Variants in RAPGEFL1 observed in about 807,000 individuals in gnomAD.
RAPGEFL1 encodes rap guanine nucleotide exchange factor-like 1.
A neutral mutation model predicts 64.4 loss-of-function variants in RAPGEFL1; 31 were observed. The ratio of observed to expected loss-of-function variants is 0.48; its 90% CI spans 0.36 to 0.65. The LOEUF is 0.65. Ranked by LOEUF, RAPGEFL1 falls within the 30% of genes least tolerant of loss-of-function variation. RAPGEFL1 has a pLI of 0.00. For synonymous variants in RAPGEFL1, 331 were observed against 274.1 expected (o/e 1.21, Z -2.05); for missense variants, 682 against 677.4 (o/e 1.01, Z -0.08).
Position 40,187,786 on chromosome 17 carries a change from A to AT in RAPGEFL1, c.834-1072dup, listed in dbSNP as rs951625274. 4.8e-5 allele frequency among the ~76,000 whole-genome samples: 7 copies of AT among 147,272 alleles called. No homozygotes were observed. The South Asian group carries it at 1.1e-3, about 22-fold the overall frequency. ...CCACCACGCCCGGCTAATTTTTTAT[A>AT]TTTTTTTTAGTAGAGACGGGGTTTC... On this transcript the variant is annotated intron_variant, in intron 4 of 14. Transcript: ENST00000620260.
Position 40,177,865 on chromosome 17 carries a change from A to G in RAPGEFL1, c.4A>G (p.Lys2Glu). 2.3e-6 allele frequency: 1 copy of G among 426,048 alleles called. No homozygotes were observed. The highest frequency in any genetic ancestry group is 4.2e-6 in the Non-Finnish European group (1 of 240,236). The allele number at this position is 426,048 out of a possible 1,614,324, so 26.4% of individuals were successfully genotyped here. A position where few individuals can be genotyped will look rare whatever the true frequency, so the allele number is the denominator to read the frequency against. Residue 2 changes from lysine (K) to glutamate (E), a missense_variant, in exon 1 of 15, where the codon AAG becomes GAG. Physicochemically the swap from Lys to Glu is moderately conservative, Grantham distance 56 (BLOSUM62 1). Around this residue, in one of 2 missense-constraint regions of RAPGEFL1, gnomAD observed 271 missense variants for 158.0 expected, o/e 1.72. Coordinates refer to ENST00000620260, the MANE Select transcript of RAPGEFL1 (RefSeq NM_016339.6). M[K>E]PLEKFLKKQT... ...TAGGAGAGGGGCGGGGGGGGGCATG[A>G]AGCCGCTGGAGAAATTTCTGAAGAA... is the stretch of plus-strand genomic sequence containing the variant.
chr17:40,189,730 C>T (rs978041128), intron 6 of RAPGEFL1, among the ~76,000 whole-genome samples: 2 of 152,190 alleles, frequency 1.3e-5, no homozygotes, highest in African/African-American at 2.4e-5. Context: ...CCCACCCCGA[C>T]CTGCTGGTCT....
At chr17:40,192,564 T>C in intron 11 of RAPGEFL1, 42 bp from the exon 12 acceptor site, 3 of 1,521,548 alleles carry the variant, frequency 2.0e-6, no homozygotes, top group East Asian at 2.3e-5. Flanking sequence ...TTGGGATGCA[T>C]TGGCCAGTCT....
intron 8 of RAPGEFL1, 163 bp downstream of exon 8, chr17:40,190,925 AAG>A (rs1476386801): frequency 5.4e-6 from 6 of 1,121,162 alleles, no homozygotes; most frequent in Middle Eastern, 3.1e-4. Flanking sequence ...AAAAATCGCA[AAG>A]AGAGAGACCC....
At position 40,178,036 on chromosome 17, in the gene RAPGEFL1, G is replaced by C. The variant is rs1232426774; in HGVS notation, c.175G>C (p.Val59Leu). The C allele has an allele frequency of 5.2e-6, 3 of 579,094 alleles. No individual in the cohort carries two copies. The highest frequency in any genetic ancestry group is 9.1e-6 in the Non-Finnish European group (3 of 329,640). The allele number at this position is 579,094 out of a possible 1,614,324, so 35.9% of individuals were successfully genotyped here. A position where few individuals can be genotyped will look rare whatever the true frequency, so the allele number is the denominator to read the frequency against. Residue 59 changes from valine to leucine, a missense_variant, in exon 1 of 15, where the codon GTG becomes CTG. Val to Leu is a conservative substitution (Grantham distance 32). Coordinates refer to ENST00000620260, the MANE Select transcript of RAPGEFL1 (RefSeq NM_016339.6). ...GCGGTCGTTGCAGCGGCGTCAGAGC[G>C]TGTCTCGCCTGCTGCTCCCCGCTTT... ...GQRSLQRRQS[V>L]SRLLLPAFLR... is the part of the protein sequence containing the mutation.
In RAPGEFL1 at chr17:40,191,248, T is replaced by G; in HGVS notation, c.1336-68T>G. 3.0e-6 allele frequency: 4 copies of G among 1,343,352 alleles called. No homozygotes were observed. In the South Asian group the frequency reaches 4.2e-5, roughly 14 times the overall value. The allele number at this position is 1,343,352 out of a possible 1,614,324, so 83.2% of individuals were successfully genotyped here. ...CCTTTCGCTCCTCATCGCCTTGCAC[T>G]GCCATCTTCCCACCCACTCCCCTCA... On this transcript the variant is annotated intron_variant, in intron 8 of 14. Transcript: ENST00000620260. The surrounding 1 kb of genome is among the most constrained non-coding windows in gnomAD (Gnocchi z 5.1).
upstream of RAPGEFL1, chr17:40,177,366 A>G: frequency 1.6e-6 from 1 of 639,308 alleles, no homozygotes; most frequent in Non-Finnish European, 2.9e-6. Context: ...GGTCAACCCC[A>G]GCGCGCGAGT....
In RAPGEFL1 at chr17:40,194,096, C is replaced by A; in HGVS notation, c.*308C>A. On this transcript the variant is annotated 3_prime_UTR_variant, in exon 15 of 15. Transcript: ENST00000620260. ...CTGGGGATGGAGCTTCCAACTTCCT[C>A]TTGCAGCAGGAAAGAATGCTGCTCA... is the stretch of plus-strand genomic sequence containing the variant. The A allele has an allele frequency of 3.5e-6, 1 of 284,792 alleles. No homozygotes were observed. The highest frequency in any genetic ancestry group is 6.8e-6 in the Non-Finnish European group (1 of 148,100). 17.6% of individuals were successfully genotyped at this position (284,792 alleles called of 1,614,324 possible). A position where few individuals can be genotyped will look rare whatever the true frequency, so the allele number is the denominator to read the frequency against.
intron 1 of RAPGEFL1, 126 bp downstream of exon 1, chr17:40,178,507 C>T: frequency 4.8e-6 from 2 of 415,698 alleles, no homozygotes; most frequent in Admixed American, 4.3e-5. Context: ...CCGCGGAAGC[C>T]GGCTAGGGGC....
intron 3 of RAPGEFL1, 68 bp from the exon 4 acceptor site, chr17:40,184,513 G>C (rs890905986): frequency 2.5e-6 from 3 of 1,188,034 alleles, no homozygotes; most frequent in Non-Finnish European, 3.6e-6. Flanking sequence ...GACCTTGCCC[G>C]GCCCCTGCAG....
chr17:40,195,528 G>A lies in RAPGEFL1; in HGVS notation c.*1740G>A, dbSNP rs1419188564. The A allele has an allele frequency of 2.0e-5, 3 of 152,912 alleles. No homozygotes were observed. Among genetic ancestry groups the A allele is most frequent in the Non-Finnish European group, 4.4e-5 (3 of 68,272 alleles). 9.5% of individuals were successfully genotyped at this position (152,912 alleles called of 1,614,324 possible). ...CCCCTAGCCTTGATGCCTGCCCAGGGACCCCCAGCCCCCTCCCGTTGCCCT... is the reference window on the plus strand; with the variant it reads ...CCCCTAGCCTTGATGCCTGCCCAGGAACCCCCAGCCCCCTCCCGTTGCCCT... On this transcript the variant is annotated 3_prime_UTR_variant, in exon 15 of 15. Transcript: ENST00000620260.
rs1989995125 is a variant in RAPGEFL1 at position 40,184,365 on chromosome 17, G to T, written c.735+16G>T. On this transcript the variant is annotated intron_variant, in intron 3 of 14. Coordinates refer to ENST00000620260, the MANE Select transcript of RAPGEFL1 (RefSeq NM_016339.6). ...CATCATCAAGGTGGGCCTGGGGGAA[G>T]AGAAGGTGGGTAAACAGGCTATTAG... 2 of 1,597,454 alleles carry T rather than the reference G, an allele frequency of 1.3e-6. No individual in the cohort carries two copies. The highest frequency in any genetic ancestry group is 1.4e-5 in the African/African-American group (1 of 73,898).
At chr17:40,193,525 C>T in intron 14 of RAPGEFL1, 108 bp downstream of exon 14, 1 of 1,570,598 alleles carries the variant, frequency 6.4e-7, no homozygotes, top group Non-Finnish European at 8.8e-7. Context: ...CTTGCTGGTT[C>T]CCCATTCTCT....
intron 8 of RAPGEFL1, 121 bp downstream of exon 8, chr17:40,190,883 G>T: frequency 4.1e-6 from 6 of 1,449,170 alleles, no homozygotes; most frequent in Non-Finnish European, 4.7e-6. Context: ...CTTGGGCAAC[G>T]CATGGCCGTA....
In RAPGEFL1 at chr17:40,178,188, G is replaced by A; in HGVS notation, c.327G>A (p.Pro109=). ...GPCWLQLEEV[P]GPGPLGGGGP... is the part of the protein sequence containing the mutation. ...GCTGGCTGCAGCTGGAGGAGGTGCC[G>A]GGGCCCGGGCCTCTCGGGGGAGGGG... Residue 109 remains proline (P), a synonymous_variant, in exon 1 of 15, where the codon CCG becomes CCA. Coordinates refer to ENST00000620260, the MANE Select transcript of RAPGEFL1 (RefSeq NM_016339.6). 1 of 546,942 alleles carries A rather than the reference G, an allele frequency of 1.8e-6. No homozygotes were observed. 33.9% of individuals were successfully genotyped at this position (546,942 alleles called of 1,614,324 possible). A position where few individuals can be genotyped will look rare whatever the true frequency, so the allele number is the denominator to read the frequency against.
chr17:40,189,384 C>G lies in RAPGEFL1; in HGVS notation c.1114+9C>G. Reference sequence around the variant, plus strand: ...TGTGTCCTCCTCTGGAGGTGAGGGTCAGGAAGAACTGGGCTGATGCTCCGA... The same window carrying G: ...TGTGTCCTCCTCTGGAGGTGAGGGTGAGGAAGAACTGGGCTGATGCTCCGA... On this transcript the variant is annotated intron_variant, in intron 6 of 14. Transcript: ENST00000620260. The G allele has an allele frequency of 6.2e-7, 1 of 1,613,678 alleles. No homozygotes were observed.
At position 40,189,262 on chromosome 17, in the gene RAPGEFL1, T is replaced by C. The variant is rs760913988; in HGVS notation, c.1001T>C (p.Leu334Pro). ...TCTTATGTGACCATACGCAGCCGCC[T>C]TTCAGCATCTGTGCAGGACATTCTG... ...DHSYVTIRSR[L>P]SASVQDILGS... is the part of the protein sequence containing the mutation. Residue 334 changes from leucine (L) to proline (P), a missense_variant, in exon 6 of 15, where the codon CTT becomes CCT. Leu to Pro is a moderately conservative substitution (Grantham distance 98). Transcript: ENST00000620260. 1.2e-6 allele frequency: 2 copies of C among 1,614,140 alleles called. No homozygotes were observed. The highest frequency in any genetic ancestry group is 2.2e-5 in the South Asian group (2 of 91,086).
In RAPGEFL1 at chr17:40,189,276, C is replaced by T; in HGVS notation, c.1015C>T (p.Gln339Ter). The T allele has an allele frequency of 1.2e-6, 2 of 1,614,110 alleles. No homozygotes were observed. Among genetic ancestry groups the T allele is most frequent in the Non-Finnish European group, 1.7e-6 (2 of 1,179,948 alleles). The change falls in exon 6 of 15, where the codon CAG becomes TAG. Residue 339 changes from glutamine (Q) to a stop codon, truncating the protein, a stop_gained. Transcript: ENST00000620260. LOFTEE classifies it high-confidence loss of function. ...TIRSRLSASVQDILGSVTEKL... is the reference protein window; with the variant it reads ...TIRSRLSASV ...ACGCAGCCGCCTTTCAGCATCTGTG[C>T]AGGACATTCTGGGCTCTGTGACGGA...
In RAPGEFL1 at chr17:40,194,780, G is replaced by A. The variant is rs1990406654; in HGVS notation, c.*992G>A. On this transcript the variant is annotated 3_prime_UTR_variant, in exon 15 of 15. Coordinates refer to ENST00000620260, the MANE Select transcript of RAPGEFL1 (RefSeq NM_016339.6). The stretch of plus-strand genomic sequence containing the variant: ...CTCATGTGTCTGACACCAACAACAT[G>A]GTCTCTGTCCCTCTCTCTTTGACTC... 2 of 152,532 alleles carry A rather than the reference G, an allele frequency of 1.3e-5. No individual in the cohort carries two copies. The highest frequency in any genetic ancestry group is 4.8e-5 in the African/African-American group (2 of 41,560). The allele number at this position is 152,532 out of a possible 1,614,324, so 9.4% of individuals were successfully genotyped here.
Sources: allele counts gnomAD v4.1 joint callset (sites outside exome capture counted in the v4.1 genomes callset), GRCh38; gene constraint gnomAD v4.1.1; regional missense constraint gnomAD v4.1.1; non-coding constraint Gnocchi (gnomAD v3.1); transcripts MANE v1.5; gene names NCBI Gene and HGNC (gene_info 2026-07-23, HGNC 2026-07-21).